Variants in CTDP1 observed in about 807,000 individuals in gnomAD.
CTDP1 encodes CTD phosphatase 1, also known as RNA polymerase II subunit A C-terminal domain phosphatase.
A neutral mutation model predicts 91.8 loss-of-function variants in CTDP1; 47 were observed. The observed-to-expected ratio is 0.51, with a 90% CI of 0.41 to 0.65. The LOEUF (loss-of-function observed/expected upper bound fraction) is 0.65, where lower values mean the gene tolerates loss of function less well. Ranked by LOEUF, CTDP1 falls within the 30% of genes least tolerant of loss-of-function variation. The pLI is 0.00. For missense variants in CTDP1, 1,272 were observed against 1,373.7 expected (o/e 0.93, Z 1.17); for synonymous variants, 656 against 598.5 (o/e 1.10, Z -1.40).
chr18:79,726,632 A>G (rs2086448171), intron 10 of CTDP1, among the ~76,000 whole-genome samples: 1 of 151,636 alleles, frequency 6.6e-6, no homozygotes, highest in African/African-American at 2.4e-5. Context: ...CTCCAGCAGC[A>G]GGAGTGGAGG....
At chr18:79,679,022 G>A, upstream of CTDP1, 2 of 225,506 alleles carry the variant, frequency 8.9e-6, no homozygotes, top group South Asian at 4.6e-5. Context: ...CCAGACAAAC[G>A]TAGAAAGTGG....
chr18:79,725,621 G>C (rs112652809), intron 10 of CTDP1, among the ~76,000 whole-genome samples: 4,281 of 151,666 alleles, frequency 0.028, 208 homozygotes, highest in African/African-American at 0.098. Flanking sequence ...AGTCAAGTGT[G>C]GTCTAGAGAA....
At chr18:79,730,806 A>G (rs1034817637) in intron 11 of CTDP1, among the ~76,000 whole-genome samples, 1 of 152,236 alleles carries the variant, frequency 6.6e-6, no homozygotes, top group African/African-American at 2.4e-5. Flanking sequence ...GATGTGAGGA[A>G]GGGATTCTCC....
In CTDP1 at chr18:79,717,966, C is replaced by T. The variant is rs771422024; in HGVS notation, c.2367C>T (p.Pro789=). 1.5e-5 allele frequency: 25 copies of T among 1,613,422 alleles called. No individual in the cohort carries two copies. The highest frequency in any genetic ancestry group is 1.9e-5 in the Non-Finnish European group (23 of 1,179,990). Residue 789 remains proline, a synonymous_variant, in exon 10 of 13, where the codon CCC becomes CCT. Coordinates refer to ENST00000613122, the MANE Select transcript of CTDP1 (RefSeq NM_004715.5). ...GKLIRTGARG[P]PAPSSSLPIR... ...TCATCAGGACGGGCGCCCGGGGGCC[C>T]CCAGCACCCTCCAGCTCCCTACCCA... is the stretch of plus-strand genomic sequence containing the variant.
upstream of CTDP1, chr18:79,679,104 G>T (rs1285263722): frequency 1.0e-5 from 3 of 286,394 alleles, no homozygotes; most frequent in Non-Finnish European, 2.1e-5. Flanking sequence ...ACGCGCCGGT[G>T]CCCGCCCTCC....
At chr18:79,751,475 G>A (rs1454649066) in intron 12 of CTDP1, among the ~76,000 whole-genome samples, 1 of 152,176 alleles carries the variant, frequency 6.6e-6, no homozygotes, top group Non-Finnish European at 1.5e-5. Flanking sequence ...ACGAACAGTT[G>A]GGTTCTCTGA....
At position 79,714,895 on chromosome 18, in the gene CTDP1, G is replaced by A. The variant is rs749334913; in HGVS notation, c.1435G>A (p.Glu479Lys). 8 of 1,571,806 alleles carry A rather than the reference G, an allele frequency of 5.1e-6. No homozygotes were observed. The highest frequency in any genetic ancestry group is 3.8e-5 in the Admixed American group (2 of 52,474). ...SSSSASDGESEGKRGRQKPKA... is the reference protein window; with the variant it reads ...SSSSASDGESKGKRGRQKPKA... ...CTCCTCCGCCTCTGATGGCGAAAGCGAGGGGAAAAGAGGCCGGCAGAAGCC... is the reference window on the plus strand; with the variant it reads ...CTCCTCCGCCTCTGATGGCGAAAGCAAGGGGAAAAGAGGCCGGCAGAAGCC... The change falls in exon 8 of 13, where the codon GAG (glutamate) becomes AAG (lysine). Residue 479 changes from glutamate (E) to lysine (K), a missense_variant. Glu to Lys is a moderately conservative substitution (Grantham distance 56). Transcript: ENST00000613122.
chr18:79,729,816 G>A (rs536273256), intron 11 of CTDP1, among the ~76,000 whole-genome samples: 1 of 152,332 alleles, frequency 6.6e-6, no homozygotes, highest in East Asian at 1.9e-4. Flanking sequence ...CTCCTGTAAG[G>A]TGCCCTCATG....
At chr18:79,735,343 C>T (rs777817830) in intron 11 of CTDP1, among the ~76,000 whole-genome samples, 3 of 152,236 alleles carry the variant, frequency 2.0e-5, no homozygotes, top group Non-Finnish European at 1.5e-5. Context: ...CGCCCCGCCT[C>T]ACCTGCCTGT....
At chr18:79,680,332 T>A in intron 1 of CTDP1, 71 bp downstream of exon 1, 2 of 1,193,440 alleles carry the variant, frequency 1.7e-6, no homozygotes, top group Non-Finnish European at 2.1e-6. Context: ...ACCCCCGGGC[T>A]GCTGCGTCCG....
intron 4 of CTDP1, among the ~76,000 whole-genome samples, chr18:79,698,342 G>A (rs2085788787): frequency 6.6e-6 from 1 of 152,186 alleles, no homozygotes; most frequent in Non-Finnish European, 1.5e-5. Flanking sequence ...AGTCTTGGTG[G>A]GGAGGACGTT....
upstream of CTDP1, chr18:79,679,635 C>T (rs1393231884): frequency 8.1e-6 from 4 of 493,402 alleles, no homozygotes; most frequent in South Asian, 4.6e-5. Context: ...TCCACGGTGC[C>T]GGCGCTCCGA....
chr18:79,680,108 C>A lies in CTDP1; in HGVS notation c.161C>A (p.Ala54Asp). 7.1e-7 allele frequency: 1 copy of A among 1,416,004 alleles called. No homozygotes were observed. Among genetic ancestry groups the A allele is most frequent in the Non-Finnish European group, 9.2e-7 (1 of 1,085,018 alleles). 87.7% of individuals were successfully genotyped at this position (1,416,004 alleles called of 1,614,324 possible). Residue 54 changes from alanine to aspartate, a missense_variant, in exon 1 of 13, where the codon GCC becomes GAC. By Grantham distance (126) the Ala-to-Asp change is moderately radical (BLOSUM62 -2). Coordinates refer to ENST00000613122, the MANE Select transcript of CTDP1 (RefSeq NM_004715.5). The part of the protein sequence containing the change: ...RIGSVLAVFE[A>D]AASAQSSGAS... ...GGCTCGGTGCTGGCCGTGTTCGAGG[C>A]CGCCGCCTCCGCGCAGTCCTCCGGG...
Position 79,754,062 on chromosome 18 carries a change from T to C in CTDP1, c.*272T>C. The C allele has an allele frequency of 2.0e-6, 1 of 498,506 alleles. No homozygotes were observed. Among genetic ancestry groups the C allele is most frequent in the African/African-American group, 1.9e-5 (1 of 51,680 alleles). 30.9% of individuals were successfully genotyped at this position (498,506 alleles called of 1,614,324 possible). On this transcript the variant is annotated 3_prime_UTR_variant, in exon 13 of 13. Coordinates refer to ENST00000613122, the MANE Select transcript of CTDP1 (RefSeq NM_004715.5). ...CAGAGGCTCACGTGGCCCAGGCTGG[T>C]GCGCCCGCTGTCTCGGTAAGGGGCG...
chr18:79,711,756 G>A (rs1253341014), intron 6 of CTDP1, among the ~76,000 whole-genome samples: 1 of 152,170 alleles, frequency 6.6e-6, no homozygotes, highest in African/African-American at 2.4e-5. Context: ...GCCCCTTCCT[G>A]TCAGCTCCTC....
chr18:79,748,076 T>A (rs994913098), intron 12 of CTDP1, among the ~76,000 whole-genome samples: 1 of 152,188 alleles, frequency 6.6e-6, no homozygotes, highest in Non-Finnish European at 1.5e-5. Context: ...CTGTTAACAT[T>A]TCTCTATGGA....
chr18:79,727,182 C>T (rs956570883), intron 10 of CTDP1, among the ~76,000 whole-genome samples: 3 of 152,168 alleles, frequency 2.0e-5, no homozygotes, highest in Non-Finnish European at 4.4e-5. Flanking sequence ...GGGAGTAGAG[C>T]AGTTATCATA....
In CTDP1 at chr18:79,715,073, G is replaced by A. The variant is rs1260669909; in HGVS notation, c.1613G>A (p.Arg538Gln). 5.0e-6 allele frequency: 8 copies of A among 1,612,566 alleles called. No individual in the cohort carries two copies. The highest frequency in any genetic ancestry group is 1.6e-4 in the Middle Eastern group (1 of 6,084). Residue 538 changes from arginine to glutamine, a missense_variant, in exon 8 of 13, where the codon CGG becomes CAG. By Grantham distance (43) the Arg-to-Gln change is conservative (BLOSUM62 1). This residue lies in a region of CTDP1 where 881 missense variants were observed against 911.6 expected (regional missense o/e 0.97). Transcript: ENST00000613122. ...PELGGQEEGE[R>Q]DGLCGLGNGC... ...CTGGGTGGGCAGGAGGAGGGCGAGC[G>A]GGATGGCCTCTGCGGCCTGGGCAAC...
At chr18:79,738,397 G>A (rs72976162) in intron 12 of CTDP1, among the ~76,000 whole-genome samples, 17,369 of 152,220 alleles carry the variant, frequency 0.11, 1,379 homozygotes, top group Non-Finnish European at 0.18. Context: ...CATCTGCTGC[G>A]GGGCCGTGGG....
Sources: gnomAD v4.1 joint callset for allele counts (sites outside exome capture counted in the v4.1 genomes callset) on GRCh38, gnomAD v4.1.1 for gene constraint, gnomAD v4.1.1 regional missense constraint, MANE v1.5 for transcripts, NCBI Gene and HGNC (gene_info 2026-07-23, HGNC 2026-07-21) for gene names.